The following GALNT10 variants were observed in gnomAD, a reference collection of about 807,000 sequenced individuals.
GALNT10 encodes the protein GalNAc transferase 10.
In GALNT10, 41 loss-of-function variants were observed where a neutral mutation model predicts 75.0. The observed-to-expected ratio is 0.55, with a 90% CI of 0.43 to 0.71. The LOEUF is 0.71. Ranked by LOEUF, GALNT10 falls within the 30% of genes least tolerant of loss-of-function variation. The pLI, the probability that GALNT10 is intolerant of heterozygous loss-of-function variation, is 0.00. For missense variants in GALNT10, 727 were observed against 818.5 expected, an observed-to-expected ratio of 0.89 and a Z score of 1.36; for synonymous variants, 302 against 313.0, an observed-to-expected ratio of 0.96 and a Z score of 0.37.
At chr5:154,369,841 C>A (rs1329029722) in intron 4 of GALNT10, among the ~76,000 whole-genome samples, 1 of 152,216 alleles carries the variant, frequency 6.6e-6, no homozygotes, top group Non-Finnish European at 1.5e-5. Flanking sequence ...TGGTGGCCCC[C>A]TCCCTGCTTC....
Position 154,335,303 on chromosome 5 carries a change from G to A in GALNT10, c.568+5565G>A, listed in dbSNP as rs1171963940. On this transcript the variant is annotated intron_variant, in intron 4 of 11. Coordinates refer to ENST00000297107, the MANE Select transcript of GALNT10 (RefSeq NM_198321.4). ...AAGAGGAATCAAATAGGCTTCCCTC[G>A]ACAGCTCCAGTAGGCCTAGAGGAGG... is the stretch of plus-strand genomic sequence containing the variant. Among the ~76,000 whole-genome samples the A allele has an allele frequency of 3.9e-5, 6 of 152,234 alleles. No individual in the cohort carries two copies. In the East Asian group the frequency reaches 5.8e-4, roughly 15 times the overall value.
chr5:154,213,423 A>T (rs547298693), intron 1 of GALNT10, among the ~76,000 whole-genome samples: 168 of 152,268 alleles, frequency 1.1e-3, no homozygotes, highest in Non-Finnish European at 2.0e-3. Flanking sequence ...ATGCCTGGCC[A>T]TTCCCCTCTC....
chr5:154,299,881 C>A (rs1169204013), intron 3 of GALNT10, among the ~76,000 whole-genome samples: 1 of 145,924 alleles, frequency 6.9e-6, no homozygotes, highest in East Asian at 2.0e-4. Context: ...ATCACCCAGG[C>A]TGGAGTGCAG....
In GALNT10 at chr5:154,417,202, G is replaced by C. The variant is rs1293175649; in HGVS notation, c.*230G>C. The C allele has an allele frequency of 7.4e-6, 4 of 543,440 alleles. No individual in the cohort carries two copies. Among genetic ancestry groups the C allele is most frequent in the Non-Finnish European group, 1.3e-5 (4 of 302,918 alleles). The allele number at this position is 543,440 out of a possible 1,614,324, so 33.7% of individuals were successfully genotyped here. ...CACAAGAGGCCCCACAGGGAGCAGA[G>C]ACTGCTTTAATCCCTGCTGACATCA... On this transcript the variant is annotated 3_prime_UTR_variant, in exon 12 of 12. Coordinates refer to ENST00000297107, the MANE Select transcript of GALNT10 (RefSeq NM_198321.4).
chr5:154,327,079 G>A (rs1285003990), intron 3 of GALNT10, among the ~76,000 whole-genome samples: 1 of 152,062 alleles, frequency 6.6e-6, no homozygotes, highest in Admixed American at 6.5e-5. Context: ...TAGCCAGGCA[G>A]AGGGTGGCGT....
At chr5:154,234,484 C>T (rs1191371872) in intron 1 of GALNT10, among the ~76,000 whole-genome samples, 4 of 152,244 alleles carry the variant, frequency 2.6e-5, no homozygotes, top group Non-Finnish European at 4.4e-5. Flanking sequence ...AAATTGATAG[C>T]ATTTCCTCTG....
At chr5:154,215,428 G>A (rs1752850624) in intron 1 of GALNT10, among the ~76,000 whole-genome samples, 1 of 152,076 alleles carries the variant, frequency 6.6e-6, no homozygotes, top group Non-Finnish European at 1.5e-5. Flanking sequence ...CTTGCAGTGA[G>A]CCGAGATGGC....
intron 2 of GALNT10, 150 bp from the exon 3 acceptor site, chr5:154,297,791 C>T: frequency 3.0e-6 from 1 of 332,994 alleles, no homozygotes. Context: ...TCCCCTCCTA[C>T]TCTTTGTACT....
chr5:154,319,721 C>T (rs994648029), intron 3 of GALNT10, among the ~76,000 whole-genome samples: 1 of 152,248 alleles, frequency 6.6e-6, no homozygotes, highest in African/African-American at 2.4e-5. Context: ...TGGCTCCTTT[C>T]TGAGGACATG....
intron 3 of GALNT10, among the ~76,000 whole-genome samples, chr5:154,300,196 C>G (rs533486308): frequency 2.6e-5 from 4 of 152,256 alleles, no homozygotes; most frequent in Admixed American, 1.3e-4. Flanking sequence ...ACAGATGTTA[C>G]TGGATTTGGA....
At chr5:154,400,737 C>G (rs916799700) in intron 7 of GALNT10, among the ~76,000 whole-genome samples, 1 of 151,880 alleles carries the variant, frequency 6.6e-6, no homozygotes, top group Non-Finnish European at 1.5e-5. Context: ...CTTAAGGGGA[C>G]CTGAAGGATG....
chr5:154,316,645 C>T (rs749453052), intron 3 of GALNT10, among the ~76,000 whole-genome samples: 17 of 152,322 alleles, frequency 1.1e-4, no homozygotes, highest in Admixed American at 2.6e-4. Flanking sequence ...GTGTATCCCA[C>T]GGGACAGGAA....
intron 4 of GALNT10, among the ~76,000 whole-genome samples, chr5:154,332,228 T>G (rs1213253152): frequency 6.6e-6 from 1 of 152,192 alleles, no homozygotes; most frequent in Non-Finnish European, 1.5e-5. Flanking sequence ...CTCCACCACC[T>G]GGGGACAAAC....
At chr5:154,337,658 A>G (rs1305177166) in intron 4 of GALNT10, 3 of 1,010,804 alleles carry the variant, frequency 3.0e-6, no homozygotes, top group South Asian at 1.3e-5. Context: ...TGTAGCTTCC[A>G]TCACCTCCAG....
rs964193136 is a variant in GALNT10 at position 154,191,036 on chromosome 5, C to A, written c.159+11C>A. 1 of 1,410,292 alleles carries A rather than the reference C, an allele frequency of 7.1e-7. No individual in the cohort carries two copies. The highest frequency in any genetic ancestry group is 9.3e-7 in the Non-Finnish European group (1 of 1,072,236). The allele number at this position is 1,410,292 out of a possible 1,614,324, so 87.4% of individuals were successfully genotyped here. ...CCGGCGGCGGGACAGGTGAGTCCCCCCGTTGCTACAGGCCGGGAACACCCC... is the reference window on the plus strand; with the variant it reads ...CCGGCGGCGGGACAGGTGAGTCCCCACGTTGCTACAGGCCGGGAACACCCC... On this transcript the variant is annotated intron_variant, in intron 1 of 11. Transcript: ENST00000297107.
Position 154,412,958 on chromosome 5 carries a change from G to C in GALNT10, c.1456G>C (p.Glu486Gln). The C allele has an allele frequency of 1.9e-6, 3 of 1,613,686 alleles. No homozygotes were observed. The highest frequency in any genetic ancestry group is 1.7e-6 in the Non-Finnish European group (2 of 1,179,806). ...HGALGSPLRL[E>Q]GCVRGRGEAA... ...GGCCTTGGGCTCCCCACTAAGGCTAGAGGGCTGCGTCCGAGGCCGTGGGGA... is the reference window on the plus strand; with the variant it reads ...GGCCTTGGGCTCCCCACTAAGGCTACAGGGCTGCGTCCGAGGCCGTGGGGA... The change falls in exon 10 of 12, where the codon GAG (glutamate) becomes CAG (glutamine). Residue 486 changes from glutamate (E) to glutamine (Q), a missense_variant. Glu to Gln is a conservative substitution (Grantham distance 29). Coordinates refer to ENST00000297107, the MANE Select transcript of GALNT10 (RefSeq NM_198321.4). The surrounding 1 kb of genome is among the most constrained non-coding windows in gnomAD (Gnocchi z 4.2).
intron 4 of GALNT10, among the ~76,000 whole-genome samples, chr5:154,336,825 T>G (rs1754951458): frequency 6.6e-6 from 1 of 152,220 alleles, no homozygotes; most frequent in South Asian, 2.1e-4. Flanking sequence ...GTGTGCTAAG[T>G]GCATTCACTC....
chr5:154,363,717 A>G (rs368111272), intron 4 of GALNT10, among the ~76,000 whole-genome samples: 9 of 152,046 alleles, frequency 5.9e-5, no homozygotes, highest in African/African-American at 2.2e-4. Context: ...TGGGAACTTC[A>G]TGAGTGGTCA....
intron 3 of GALNT10, among the ~76,000 whole-genome samples, chr5:154,308,716 C>T (rs1280929692): frequency 6.6e-6 from 1 of 152,214 alleles, no homozygotes; most frequent in Non-Finnish European, 1.5e-5. Context: ...CTCCAGTCTG[C>T]AGCTCATCTG....
Sources: allele counts gnomAD v4.1 joint callset (sites outside exome capture counted in the v4.1 genomes callset), GRCh38; gene constraint gnomAD v4.1.1; non-coding constraint Gnocchi (gnomAD v3.1); transcripts MANE v1.5; gene names NCBI Gene and HGNC (gene_info 2026-07-23, HGNC 2026-07-21).